Variants in PIK3C2G observed in about 807,000 individuals in gnomAD.
PIK3C2G encodes phosphatidylinositol 3-kinase C2 domain-containing subunit gamma.
PIK3C2G carries 168 observed loss-of-function variants against 181.1 expected under a neutral mutation model. The ratio of observed to expected loss-of-function variants is 0.93; its 90% CI spans 0.82 to 1.05. PIK3C2G has a LOEUF of 1.05. Ranked by LOEUF, PIK3C2G falls within the 50% of genes least tolerant of loss-of-function variation. The probability of loss-of-function intolerance (pLI) is 0.00; values close to 1 mark genes in which losing one functional copy is unlikely to be tolerated. For synonymous variants in PIK3C2G, 573 were observed against 592.2 expected (o/e 0.97, Z 0.47); for missense variants, 1,869 against 1,732.8 (o/e 1.08, Z -1.40).
chr12:18,244,740 G>T (rs1355320569), upstream of PIK3C2G, among the ~76,000 whole-genome samples: 2 of 152,002 alleles, frequency 1.3e-5, no homozygotes, highest in African/African-American at 4.8e-5. Flanking sequence ...TCTTGTCCTG[G>T]GGACACTTAT....
the PIK3C2G span, among the ~76,000 whole-genome samples, chr12:18,707,716 T>C: frequency 2.0e-5 from 3 of 152,170 alleles, no homozygotes; most frequent in East Asian, 5.8e-4. Flanking sequence ...TCATGTCCTC[T>C]TTTTCCAAAT....
chr12:18,456,491 C>T (rs1947637119), intron 18 of PIK3C2G, among the ~76,000 whole-genome samples: 1 of 152,154 alleles, frequency 6.6e-6, no homozygotes, highest in Non-Finnish European at 1.5e-5. Context: ...GTCTAATTTA[C>T]ATAGGGCACA....
chr12:18,694,901 T>A, the PIK3C2G span: 1 of 1,569,624 alleles, frequency 6.4e-7, no homozygotes, highest in Admixed American at 1.7e-5. Flanking sequence ...GAAAATTTAT[T>A]AATCTTACCC....
intron 1 of PIK3C2G, among the ~76,000 whole-genome samples, chr12:18,252,791 G>A (rs539998335): frequency 6.6e-6 from 1 of 152,312 alleles, no homozygotes; most frequent in South Asian, 2.1e-4. Flanking sequence ...GGAAGGCAGA[G>A]AATTCTTTTA....
chr12:18,670,614 T>C, the PIK3C2G span, among the ~76,000 whole-genome samples: 1 of 152,210 alleles, frequency 6.6e-6, no homozygotes, highest in South Asian at 2.1e-4. Flanking sequence ...TATAAAGCAC[T>C]TAGGATAATG....
At chr12:18,299,332 T>C (rs1950078428) in intron 5 of PIK3C2G, among the ~76,000 whole-genome samples, 1 of 151,896 alleles carries the variant, frequency 6.6e-6, no homozygotes, top group African/African-American at 2.4e-5. Flanking sequence ...TTCTTAATTT[T>C]TTTCCAGTTA....
At chr12:18,513,694 G>T (rs1942355397) in intron 24 of PIK3C2G, among the ~76,000 whole-genome samples, 1 of 150,576 alleles carries the variant, frequency 6.6e-6, no homozygotes, top group Non-Finnish European at 1.5e-5. Flanking sequence ...TTTTTTCCTA[G>T]TTAGTCTAGT....
chr12:18,324,535 G>A (rs56913567), intron 7 of PIK3C2G, among the ~76,000 whole-genome samples: 6,321 of 152,230 alleles, frequency 0.042, 464 homozygotes, highest in African/African-American at 0.15. Flanking sequence ...CAAATTGCAT[G>A]TCTTCTCCCT....
chr12:18,628,542 T>C (rs1565578509), intron 31 of PIK3C2G, among the ~76,000 whole-genome samples: 1 of 152,244 alleles, frequency 6.6e-6, no homozygotes, highest in Non-Finnish European at 1.5e-5. Context: ...ATTATTCATG[T>C]ACTTAAAACA....
intron 30 of PIK3C2G, among the ~76,000 whole-genome samples, chr12:18,602,918 G>A (rs1323779065): frequency 6.6e-6 from 1 of 152,114 alleles, no homozygotes; most frequent in African/African-American, 2.4e-5. Flanking sequence ...CTGCCCAAAT[G>A]AGAAGGAACC....
intron 29 of PIK3C2G, among the ~76,000 whole-genome samples, chr12:18,585,320 C>T (rs1372648808): frequency 6.6e-6 from 1 of 150,650 alleles, no homozygotes; most frequent in Non-Finnish European, 1.5e-5. Context: ...CACAAATAGA[C>T]TCAAAATAAA....
intron 15 of PIK3C2G, among the ~76,000 whole-genome samples, chr12:18,394,176 T>C (rs1349161731): frequency 1.3e-5 from 2 of 152,136 alleles, no homozygotes; most frequent in Admixed American, 6.6e-5. Context: ...ACCAAAAAGA[T>C]GCACATTAGG....
At chr12:18,524,815 G>T (rs1943131321) in intron 24 of PIK3C2G, among the ~76,000 whole-genome samples, 1 of 151,492 alleles carries the variant, frequency 6.6e-6, no homozygotes, top group Non-Finnish European at 1.5e-5. Context: ...TGATCCACCT[G>T]CCTTGGCCTC....
intron 1 of PIK3C2G, among the ~76,000 whole-genome samples, chr12:18,264,659 T>C (rs1565531469): frequency 6.6e-6 from 1 of 152,190 alleles, no homozygotes; most frequent in Non-Finnish European, 1.5e-5. Context: ...AGTAATTTTT[T>C]TTTTTCTGGA....
At chr12:18,533,651 A>AT (rs1248846082) in intron 24 of PIK3C2G, among the ~76,000 whole-genome samples, 2 of 152,082 alleles carry the variant, frequency 1.3e-5, no homozygotes, top group Admixed American at 6.6e-5. Flanking sequence ...TAGAACATTG[A>AT]TTTTTTAAAA....
intron 15 of PIK3C2G, among the ~76,000 whole-genome samples, chr12:18,396,604 T>C (rs999058005): frequency 5.9e-5 from 9 of 151,736 alleles, no homozygotes; most frequent in African/African-American, 2.2e-4. Flanking sequence ...GGTCACAGCA[T>C]TTGAGATCAA....
At chr12:18,316,749 T>A (rs892381330) in intron 6 of PIK3C2G, among the ~76,000 whole-genome samples, 34 of 151,976 alleles carry the variant, frequency 2.2e-4, no homozygotes, top group African/African-American at 8.0e-4. Context: ...ATAATAATAA[T>A]AAAATAATGG....
chr12:18,445,485 A>G (rs7132781), intron 18 of PIK3C2G, among the ~76,000 whole-genome samples: 1,651 of 152,150 alleles, frequency 0.011, 28 homozygotes, highest in African/African-American at 0.038. Flanking sequence ...CAAATTGAAG[A>G]TGGAAGTTTA....
At chr12:18,567,122 GTGT>G in intron 29 of PIK3C2G, 65 bp downstream of exon 29, 1 of 814,532 alleles carries the variant, frequency 1.2e-6, no homozygotes, top group Non-Finnish European at 2.0e-6. Flanking sequence ...TTATTCGTGA[GTGT>G]GGTGGTTTAT....
Sources: allele counts gnomAD v4.1 joint callset (sites outside exome capture counted in the v4.1 genomes callset), GRCh38; gene constraint gnomAD v4.1.1; transcripts MANE v1.5; gene names NCBI Gene and HGNC (gene_info 2026-07-23, HGNC 2026-07-21).